RIC1: variants seen among roughly 807,000 people sequenced by gnomAD.
RIC1 encodes guanine nucleotide exchange factor subunit RIC1.
RIC1 carries 88 observed loss-of-function variants against 169.0 expected under a neutral mutation model. The ratio of observed to expected loss-of-function variants is 0.52; its 90% CI spans 0.44 to 0.62. The LOEUF is 0.62. Among genes scored for constraint, RIC1 ranks in the 20% least tolerant of loss-of-function variants. The probability of loss-of-function intolerance (pLI) is 0.00; values close to 1 mark genes in which losing one functional copy is unlikely to be tolerated. For missense variants in RIC1, 1,877 were observed against 1,725.5 expected, an observed-to-expected ratio of 1.09 and a Z score of -1.56; for synonymous variants, 790 against 601.5, an observed-to-expected ratio of 1.31 and a Z score of -4.59.
At chr9:5,631,428 G>T (rs1451849898) in intron 1 of RIC1, among the ~76,000 whole-genome samples, 1 of 152,056 alleles carries the variant, frequency 6.6e-6, no homozygotes, top group Non-Finnish European at 1.5e-5. Context: ...CTTGGTCTCT[G>T]GGCACCAGCT....
intron 2 of RIC1, among the ~76,000 whole-genome samples, chr9:5,689,085 G>A (rs536111244): frequency 9.0e-6 from 1 of 111,060 alleles, no homozygotes; most frequent in South Asian, 2.9e-4. Flanking sequence ...GTCTCGCTCT[G>A]TCGCCCAGCG....
chr9:5,682,374 C>T (rs1020505858), intron 2 of RIC1, among the ~76,000 whole-genome samples: 1 of 152,164 alleles, frequency 6.6e-6, no homozygotes, highest in African/African-American at 2.4e-5. Flanking sequence ...AATCTCTCAG[C>T]ATTTGCCTGT....
chr9:5,650,829 A>G (rs1474662046), intron 1 of RIC1, among the ~76,000 whole-genome samples: 4 of 152,042 alleles, frequency 2.6e-5, no homozygotes, highest in Non-Finnish European at 2.9e-5. Context: ...AGGATTTTAT[A>G]TATGCTTTAA....
Position 5,629,323 on chromosome 9 carries a change from G to A in RIC1, c.14G>A (p.Ser5Asn). ...TCCGCACGGACCATGTATTTTCTGA[G>A]CGGCTGGCCCAAGAGGCTGCTGTGC... Reference protein sequence around the residue: MYFLSGWPKRLLCPL... With the variant: MYFLNGWPKRLLCPL... Residue 5 changes from serine (S) to asparagine (N), a missense_variant, in exon 1 of 26, where the codon AGC (serine) becomes AAC (asparagine). Physicochemically the swap from Ser to Asn is conservative, Grantham distance 46 (BLOSUM62 1). Coordinates refer to ENST00000414202, the MANE Select transcript of RIC1 (RefSeq NM_020829.4). 2.6e-6 allele frequency: 4 copies of A among 1,524,288 alleles called. No homozygotes were observed. The highest frequency in any genetic ancestry group is 2.0e-5 in the Admixed American group (1 of 49,692). The allele number at this position is 1,524,288 out of a possible 1,614,324, so 94.4% of individuals were successfully genotyped here.
intron 6 of RIC1, among the ~76,000 whole-genome samples, chr9:5,722,705 C>G (rs377393745): frequency 1.4e-3 from 214 of 152,210 alleles, no homozygotes; most frequent in African/African-American, 4.6e-3. Flanking sequence ...ATCCCTCCCC[C>G]CCTCGCCCCA....
Position 5,686,455 on chromosome 9 carries a change from T to G in RIC1, c.253-3504T>G, listed in dbSNP as rs567539614. Among the ~76,000 whole-genome samples the G allele has an allele frequency of 6.1e-3, 925 of 152,032 alleles. 10 individuals carry two copies. Among genetic ancestry groups the G allele is most frequent in the African/African-American group, 0.02 (834 of 41,428 alleles). On this transcript the variant is annotated intron_variant, in intron 2 of 25. Coordinates refer to ENST00000414202, the MANE Select transcript of RIC1 (RefSeq NM_020829.4). ...TGGAATAGTATGCAGCCATAAAAAA[T>G]GATGAGTTCATGTCCTTTGTAGAGA...
At chr9:5,766,588 A>G (rs1826775284) in intron 21 of RIC1, among the ~76,000 whole-genome samples, 1 of 152,190 alleles carries the variant, frequency 6.6e-6, no homozygotes, top group African/African-American at 2.4e-5. Flanking sequence ...ATCAGTGAGA[A>G]CATACTACAT....
rs562340972 is a variant in RIC1 at position 5,693,018 on chromosome 9, C to A, written c.332+2980C>A. 2.0e-5 allele frequency among the ~76,000 whole-genome samples: 3 copies of A among 152,166 alleles called. No individual in the cohort carries two copies. In the South Asian group the frequency reaches 6.2e-4, roughly 32 times the overall value. ...AAGTGTTGTAGCTCTAAAGTCTGTG[C>A]TATTAATCAGTAATATACTGTCTCA... On this transcript the variant is annotated intron_variant, in intron 3 of 25. Transcript: ENST00000414202.
At chr9:5,745,849 G>C in intron 10 of RIC1, 82 bp from the exon 11 acceptor site, 5 of 1,217,830 alleles carry the variant, frequency 4.1e-6, no homozygotes, top group Non-Finnish European at 5.8e-6. Context: ...GGCTATTTCA[G>C]AATTTGAATA....
At chr9:5,674,399 A>G (rs573360908) in intron 2 of RIC1, among the ~76,000 whole-genome samples, 66 of 152,314 alleles carry the variant, frequency 4.3e-4, no homozygotes, top group Non-Finnish European at 7.9e-4. Context: ...CATTTACTCA[A>G]TATATTTAAT....
intron 2 of RIC1, among the ~76,000 whole-genome samples, chr9:5,688,286 C>T (rs934591175): frequency 3.9e-5 from 6 of 152,166 alleles, no homozygotes; most frequent in Non-Finnish European, 8.8e-5. Flanking sequence ...TGTCTTAGTG[C>T]GCCTTCTAAG....
chr9:5,681,715 T>C (rs938784292), intron 2 of RIC1, among the ~76,000 whole-genome samples: 2 of 152,172 alleles, frequency 1.3e-5, no homozygotes, highest in African/African-American at 4.8e-5. Flanking sequence ...TTTCTGTCTC[T>C]TTGATCTGTC....
intron 6 of RIC1, among the ~76,000 whole-genome samples, chr9:5,728,828 A>C (rs981213259): frequency 6.6e-6 from 1 of 152,204 alleles, no homozygotes; most frequent in African/African-American, 2.4e-5. Context: ...CGGATCTTTT[A>C]ATAGCTAATA....
chr9:5,755,350 C>G (rs184390912), intron 15 of RIC1, among the ~76,000 whole-genome samples: 1 of 152,120 alleles, frequency 6.6e-6, no homozygotes, highest in East Asian at 1.9e-4. Flanking sequence ...CCCTATATAG[C>G]ACTATCTTTT....
At chr9:5,722,648 C>A (rs1587022034) in intron 6 of RIC1, among the ~76,000 whole-genome samples, 1 of 152,072 alleles carries the variant, frequency 6.6e-6, no homozygotes, top group African/African-American at 2.4e-5. Flanking sequence ...TGTTGGTGTT[C>A]TGCACCCATT....
chr9:5,629,192 G>C lies in RIC1; in HGVS notation c.-118G>C. On this transcript the variant is annotated 5_prime_UTR_variant, in exon 1 of 26. Transcript: ENST00000414202. ...GGCCAGGCCAGCGGGCAGATGCCCC[G>C]AGCTGCCGCCGCCGCCGCCGCCGAC... is the stretch of plus-strand genomic sequence containing the variant. The C allele has an allele frequency of 1.8e-6, 2 of 1,083,510 alleles. No homozygotes were observed. Among genetic ancestry groups the C allele is most frequent in the Non-Finnish European group, 2.4e-6 (2 of 840,314 alleles). The allele number at this position is 1,083,510 out of a possible 1,614,324, so 67.1% of individuals were successfully genotyped here. A position where few individuals can be genotyped will look rare whatever the true frequency, so the allele number is the denominator to read the frequency against.
intron 6 of RIC1, among the ~76,000 whole-genome samples, chr9:5,723,902 T>C (rs1243506221): frequency 6.6e-6 from 1 of 152,260 alleles, no homozygotes; most frequent in African/African-American, 2.4e-5. Context: ...GGCTCTGTTC[T>C]GTTCCATTGG....
intron 2 of RIC1, among the ~76,000 whole-genome samples, chr9:5,661,880 G>C (rs1811043283): frequency 6.6e-6 from 1 of 152,086 alleles, no homozygotes; most frequent in African/African-American, 2.4e-5. Flanking sequence ...GAATAGGACT[G>C]GTGAGAGAGG....
At chr9:5,719,404 T>C (rs1353533327) in intron 4 of RIC1, 1 of 152,262 alleles carries the variant, frequency 6.6e-6, no homozygotes, top group African/African-American at 2.4e-5. Flanking sequence ...GATGAGATCA[T>C]GCTATGTAAC....
Sources: gnomAD v4.1 joint callset for allele counts (sites outside exome capture counted in the v4.1 genomes callset) on GRCh38, gnomAD v4.1.1 for gene constraint, MANE v1.5 for transcripts, NCBI Gene and HGNC (gene_info 2026-07-23, HGNC 2026-07-21) for gene names.